The following RIC8B variants were observed in gnomAD, a reference collection of about 807,000 sequenced individuals.
RIC8B encodes chaperone Ric-8B.
RIC8B carries 16 observed loss-of-function variants against 57.5 expected under a neutral mutation model. The observed-to-expected ratio is 0.28, with a 90% CI of 0.19 to 0.42. RIC8B has a LOEUF of 0.42. RIC8B is among the 10% of genes least tolerant of loss of function. The pLI is 1.00. For missense variants in RIC8B, 481 were observed against 677.0 expected, an observed-to-expected ratio of 0.71 and a Z score of 3.21; for synonymous variants, 216 against 250.8, an observed-to-expected ratio of 0.86 and a Z score of 1.31.
chr12:106,864,847 T>G (rs1228338450), intron 8 of RIC8B, among the ~76,000 whole-genome samples: 1 of 152,148 alleles, frequency 6.6e-6, no homozygotes, highest in Non-Finnish European at 1.5e-5. Context: ...TAGCTCCTGG[T>G]AAGCACCATT....
chr12:106,798,251 G>A (rs1483013406), intron 2 of RIC8B, among the ~76,000 whole-genome samples: 1 of 152,094 alleles, frequency 6.6e-6, no homozygotes, highest in African/African-American at 2.4e-5. Flanking sequence ...CAGATGCTGA[G>A]CAAAGTGCAG....
intron 8 of RIC8B, among the ~76,000 whole-genome samples, chr12:106,862,973 G>T (rs927708389): frequency 6.6e-6 from 1 of 152,086 alleles, no homozygotes; most frequent in Non-Finnish European, 1.5e-5. Flanking sequence ...GTCTAGCCAG[G>T]TTTGTTGAAA....
chr12:106,816,968 T>TA (rs1490115345), intron 3 of RIC8B, among the ~76,000 whole-genome samples: 4 of 152,210 alleles, frequency 2.6e-5, no homozygotes, highest in Non-Finnish European at 4.4e-5. Context: ...AGTCAGTTGA[T>TA]ATAGCCATTA....
chr12:106,859,084 T>A (rs950492663), intron 7 of RIC8B, among the ~76,000 whole-genome samples: 1 of 152,164 alleles, frequency 6.6e-6, no homozygotes, highest in Non-Finnish European at 1.5e-5. Flanking sequence ...GATTTTACTA[T>A]GGCTTTATAC....
chr12:106,846,042 T>A (rs1259665600), intron 6 of RIC8B, among the ~76,000 whole-genome samples: 2 of 152,204 alleles, frequency 1.3e-5, no homozygotes, highest in African/African-American at 4.8e-5. Flanking sequence ...TACTATCTTG[T>A]CTCTATCTCT....
chr12:106,844,076 T>C (rs1949079116), intron 6 of RIC8B, 129 bp downstream of exon 6: 1 of 694,904 alleles, frequency 1.4e-6, no homozygotes, highest in Admixed American at 2.5e-5. Flanking sequence ...ATCTTTGAAA[T>C]CTTCTTAATC....
rs917348312 is a variant in RIC8B, at chr12:106,879,677, C to T, written c.1572-6227C>T. On this transcript the variant is annotated intron_variant, in intron 9 of 9. Coordinates refer to ENST00000392837, the MANE Select transcript of RIC8B (RefSeq NM_001330145.2). The surrounding 1 kb of genome is among the most constrained non-coding windows in gnomAD (Gnocchi z 4.9). ...GCAAAATAGGGTTTCCTTTCTTGGA[C>T]GTGCTTTATCTGTGTCCTCTTGCCT... 7.1e-6 allele frequency: 7 copies of T among 985,266 alleles called. No homozygotes were observed. Among genetic ancestry groups the T allele is most frequent in the Non-Finnish European group, 8.4e-6 (7 of 829,930 alleles). 61.0% of individuals were successfully genotyped at this position (985,266 alleles called of 1,614,324 possible).
chr12:106,837,948 G>T (rs574464782), intron 4 of RIC8B, among the ~76,000 whole-genome samples: 5 of 151,978 alleles, frequency 3.3e-5, no homozygotes, highest in Admixed American at 2.0e-4. Context: ...GTCGGGGATC[G>T]TTCTTTTCGT....
intron 1 of RIC8B, among the ~76,000 whole-genome samples, chr12:106,777,973 C>T (rs1237641575): frequency 3.3e-5 from 5 of 152,152 alleles, no homozygotes; most frequent in African/African-American, 9.7e-5. Flanking sequence ...CTTAACTTTG[C>T]TGTGGCTTAG....
chr12:106,805,302 A>G (rs1385653384), intron 2 of RIC8B, among the ~76,000 whole-genome samples: 1 of 151,856 alleles, frequency 6.6e-6, no homozygotes, highest in African/African-American at 2.4e-5. Flanking sequence ...TTCATTCTTG[A>G]CCAATCATTC....
chr12:106,803,658 A>G (rs1020972635), intron 2 of RIC8B, among the ~76,000 whole-genome samples: 2 of 152,106 alleles, frequency 1.3e-5, no homozygotes, highest in African/African-American at 4.8e-5. Context: ...TTTTTATTCT[A>G]AATTAATCTA....
Position 106,842,835 on chromosome 12 carries a change from G to A in RIC8B, c.1065+18G>A. The A allele has an allele frequency of 1.4e-6, 2 of 1,459,816 alleles. No homozygotes were observed. The highest frequency in any genetic ancestry group is 1.9e-6 in the Non-Finnish European group (2 of 1,043,998). 90.4% of individuals were successfully genotyped at this position (1,459,816 alleles called of 1,614,324 possible). A position where few individuals can be genotyped will look rare whatever the true frequency, so the allele number is the denominator to read the frequency against. Reference sequence around the variant, plus strand: ...TAGACAAGGTAAGGCTGATAAAATGGAAGCCCTGGGAAGATGCTTCCAAAG... The same window carrying A: ...TAGACAAGGTAAGGCTGATAAAATGAAAGCCCTGGGAAGATGCTTCCAAAG... On this transcript the variant is annotated intron_variant, in intron 5 of 9. Transcript: ENST00000392837.
chr12:106,786,754 T>C (rs987602108), intron 2 of RIC8B, among the ~76,000 whole-genome samples: 1 of 151,822 alleles, frequency 6.6e-6, no homozygotes, highest in Non-Finnish European at 1.5e-5. Context: ...TATTATGATG[T>C]AGTAGAAAGA....
In RIC8B at chr12:106,814,848, A is replaced by G. The variant is rs2045500315; in HGVS notation, c.285A>G (p.Leu95=). The change falls in exon 3 of 10, where the codon CTA becomes CTG. Residue 95 remains leucine, a synonymous_variant. Coordinates refer to ENST00000392837, the MANE Select transcript of RIC8B (RefSeq NM_001330145.2). ...AAAATATGCAGATACTGCTGCGACT[A>G]GCCAAGCTAAATGAGTTAGATGATT... ...TKENMQILLR[L]AKLNELDDSL... The G allele has an allele frequency of 6.2e-6, 10 of 1,614,124 alleles. No homozygotes were observed. The South Asian group carries it at 7.7e-5, about 12-fold the overall frequency.
chr12:106,831,853 C>T (rs1290570112), intron 4 of RIC8B, among the ~76,000 whole-genome samples: 1 of 152,194 alleles, frequency 6.6e-6, no homozygotes, highest in African/African-American at 2.4e-5. Flanking sequence ...ACTCTCTGCC[C>T]CGAGAGCATC....
At chr12:106,846,637 C>CT (rs1949198961) in intron 6 of RIC8B, among the ~76,000 whole-genome samples, 1 of 148,780 alleles carries the variant, frequency 6.7e-6, no homozygotes, top group Admixed American at 6.8e-5. Flanking sequence ...AATGAAAATA[C>CT]TTTTTTTCTG....
intron 6 of RIC8B, among the ~76,000 whole-genome samples, chr12:106,847,627 C>T (rs1268391490): frequency 6.6e-6 from 1 of 152,066 alleles, no homozygotes; most frequent in African/African-American, 2.4e-5. Flanking sequence ...CTGTGTCTCC[C>T]CTGCCTCTGA....
intron 8 of RIC8B, among the ~76,000 whole-genome samples, chr12:106,870,362 T>C (rs1440931696): frequency 6.6e-6 from 1 of 152,230 alleles, no homozygotes; most frequent in Non-Finnish European, 1.5e-5. Flanking sequence ...AGATTATAAA[T>C]TGGCATGCTT....
chr12:106,828,357 C>G (rs961842659), intron 4 of RIC8B, among the ~76,000 whole-genome samples: 1 of 152,142 alleles, frequency 6.6e-6, no homozygotes, highest in African/African-American at 2.4e-5. Flanking sequence ...GCACTAACCT[C>G]AAAGTGCTAT....
Sources: gnomAD v4.1 joint callset for allele counts (sites outside exome capture counted in the v4.1 genomes callset) on GRCh38, gnomAD v4.1.1 for gene constraint, Gnocchi (gnomAD v3.1) non-coding constraint, MANE v1.5 for transcripts, NCBI Gene and HGNC (gene_info 2026-07-23, HGNC 2026-07-21) for gene names.